POLD2: variants seen among roughly 807,000 people sequenced by gnomAD.
POLD2 encodes DNA polymerase delta 2, accessory subunit.
In POLD2, 31 loss-of-function variants were observed where a neutral mutation model predicts 48.8. The ratio of observed to expected loss-of-function variants is 0.64; its 90% CI spans 0.48 to 0.86. The LOEUF (loss-of-function observed/expected upper bound fraction) is 0.86, where lower values mean the gene tolerates loss of function less well. Among genes scored for constraint, POLD2 ranks in the 40% least tolerant of loss-of-function variants. The pLI is 0.00. For synonymous variants in POLD2, 233 were observed against 256.3 expected (o/e 0.91, Z 0.87); for missense variants, 455 against 610.1 (o/e 0.75, Z 2.68).
chr7:44,118,260 CTG>C (rs2096243452), intron 2 of POLD2, 196 bp from the exon 3 acceptor site: 6 of 573,166 alleles, frequency 1.0e-5, no homozygotes, highest in Non-Finnish European at 1.8e-5. Context: ...ACCAGGGACT[CTG>C]GGTGTGGTTG....
intron 4 of POLD2, 99 bp from the exon 5 acceptor site, chr7:44,117,346 C>T (rs1237680717): frequency 2.3e-6 from 2 of 876,266 alleles, no homozygotes; most frequent in Non-Finnish European, 3.7e-6. Context: ...TCCACAACCA[C>T]ATTGGTGAAT....
Position 44,121,506 on chromosome 7 carries a change from C to T in POLD2, c.220+328G>A, listed in dbSNP as rs1268984315. On this transcript the variant is annotated intron_variant, in intron 2 of 10. Coordinates refer to ENST00000610533, the MANE Select transcript of POLD2 (RefSeq NM_006230.4). The surrounding 1 kb of genome is among the most constrained non-coding windows in gnomAD (Gnocchi z 4.5). ...GCGCCAGGCTTGCCACACTGAGGGG[C>T]TCTCTGGCTACAGCACAGGCAAATA... Among the ~76,000 whole-genome samples the T allele has an allele frequency of 2.0e-5, 3 of 152,142 alleles. No homozygotes were observed. The East Asian group carries it at 5.8e-4, about 29-fold the overall frequency.
Position 44,116,406 on chromosome 7 carries a change from C to G in POLD2, c.861+24G>C. 1 of 1,572,714 alleles carries G rather than the reference C, an allele frequency of 6.4e-7. No individual in the cohort carries two copies. ...CTTTGAAGACTGCAATCCCCATCAC[C>G]CCTCCAGCCCCCAGCTCGCTCACGC... On this transcript the variant is annotated intron_variant, in intron 7 of 10. Transcript: ENST00000610533. The surrounding 1 kb of genome is among the most constrained non-coding windows in gnomAD (Gnocchi z 6.1).
Position 44,122,078 on chromosome 7 carries a change from C to A in POLD2, c.-25G>T. The A allele has an allele frequency of 6.2e-7, 1 of 1,609,938 alleles. No homozygotes were observed. Among genetic ancestry groups the A allele is most frequent in the South Asian group, 1.1e-5 (1 of 90,864 alleles). On this transcript the variant is annotated 5_prime_UTR_variant, in exon 2 of 11. Coordinates refer to ENST00000610533, the MANE Select transcript of POLD2 (RefSeq NM_006230.4). ...TGGCCACACTCCTGACTTGCTTGGT[C>A]CACACAGCTTCGCCCAGGCCAAGGA...
chr7:44,118,197 C>A, intron 2 of POLD2, 133 bp from the exon 3 acceptor site: 1 of 1,029,026 alleles, frequency 9.7e-7, no homozygotes, highest in Non-Finnish European at 1.4e-6. Flanking sequence ...ACATCAAGTA[C>A]AAGGACCCCC....
At chr7:44,120,108 A>G (rs534334010) in intron 2 of POLD2, among the ~76,000 whole-genome samples, 2 of 152,300 alleles carry the variant, frequency 1.3e-5, no homozygotes, top group South Asian at 2.1e-4. Context: ...CCACATGGAG[A>G]AGCCACATGT....
In POLD2 at chr7:44,121,910, C is replaced by A. The variant is rs144665581; in HGVS notation, c.144G>T (p.Arg48=). Residue 48 remains arginine, a synonymous_variant, in exon 2 of 11, where the codon CGG becomes CGT. Coordinates refer to ENST00000610533, the MANE Select transcript of POLD2 (RefSeq NM_006230.4). This position sits in a 1 kb window ranked among gnomAD's most constrained non-coding sequence, Gnocchi z 4.5. Reference sequence around the variant, plus strand: ...GGGTGGCATAAATGTGGGCATACTGCCGGCTAAAGCTGCGCTCTCCTAGCC... The same window carrying A: ...GGGTGGCATAAATGTGGGCATACTGACGGCTAAAGCTGCGCTCTCCTAGCC... ...PFRLGERSFS[R]QYAHIYATRL... is the part of the protein sequence containing the mutation. The A allele has an allele frequency of 4.8e-5, 77 of 1,613,716 alleles. No individual in the cohort carries two copies. The African/African-American group carries it at 9.7e-4, about 20-fold the overall frequency.
chr7:44,123,402 G>A, intron 1 of POLD2, 109 bp downstream of exon 1: 8 of 1,438,092 alleles, frequency 5.6e-6, no homozygotes, highest in Non-Finnish European at 7.2e-6. Flanking sequence ...GGATCCACGC[G>A]GCAGCTGCGG....
At position 44,116,666 on chromosome 7, in the gene POLD2, C is replaced by A; in HGVS notation, c.780+151G>T. 1.0e-6 allele frequency: 1 copy of A among 985,186 alleles called. No individual in the cohort carries two copies. The highest frequency in any genetic ancestry group is 1.5e-6 in the Non-Finnish European group (1 of 656,850). 61.0% of individuals were successfully genotyped at this position (985,186 alleles called of 1,614,324 possible). On this transcript the variant is annotated intron_variant, in intron 6 of 10. Transcript: ENST00000610533. The surrounding 1 kb of genome is among the most constrained non-coding windows in gnomAD (Gnocchi z 6.1). ...TCAGCGAGGGCCTGGGCATGAGGAG[C>A]CCCATTGCAGGAGGCCCCAGAGTCA...
At chr7:44,123,782 G>T, upstream of POLD2, 1 of 1,176,002 alleles carries the variant, frequency 8.5e-7, no homozygotes, top group Non-Finnish European at 1.1e-6. Context: ...TGGCGGCCGC[G>T]CGTGCAGGGG....
At chr7:44,117,586 G>A (rs1181261862) in intron 4 of POLD2, 33 bp downstream of exon 4, 2 of 1,584,798 alleles carry the variant, frequency 1.3e-6, no homozygotes. Context: ...CTCTTCACCT[G>A]CATCACCCAC....
intron 4 of POLD2, 57 bp downstream of exon 4, chr7:44,117,562 A>T: frequency 6.4e-7 from 1 of 1,557,936 alleles, no homozygotes; most frequent in Non-Finnish European, 8.7e-7. Flanking sequence ...CATCCCTAAC[A>T]CACCACCGCT....
At chr7:44,122,805 G>A (rs895423827) in intron 1 of POLD2, 1 of 152,270 alleles carries the variant, frequency 6.6e-6, no homozygotes, top group Non-Finnish European at 1.5e-5. Context: ...TTACTCAAAT[G>A]TTACCTTGTG....
chr7:44,115,264 T>A, intron 10 of POLD2, 31 bp downstream of exon 10: 1 of 1,164,202 alleles, frequency 8.6e-7, no homozygotes, highest in East Asian at 2.6e-5. Context: ...AATCAGCAAA[T>A]CAGCCTGGGC....
In POLD2 at chr7:44,116,173, C is replaced by A; in HGVS notation, c.961G>T (p.Ala321Ser). 6.2e-7 allele frequency: 1 copy of A among 1,613,852 alleles called. No individual in the cohort carries two copies. The highest frequency in any genetic ancestry group is 8.5e-7 in the Non-Finnish European group (1 of 1,180,020). Residue 321 changes from alanine (A) to serine (S), a missense_variant, in exon 8 of 11, where the codon GCC becomes TCC. Transcript: ENST00000610533. This position sits in a 1 kb window ranked among gnomAD's most constrained non-coding sequence, Gnocchi z 6.1. Reference sequence around the variant, plus strand: ...GTGACCAGCTGGAGCGTGGAGTAGGCAGTGGCCAGCGGGAACATGCAGGGG... The same window carrying A: ...GTGACCAGCTGGAGCGTGGAGTAGGAAGTGGCCAGCGGGAACATGCAGGGG... ...LHPCMFPLAT[A>S]YSTLQLVTNP...
At chr7:44,123,730 C>T, upstream of POLD2, 3 of 1,339,582 alleles carry the variant, frequency 2.2e-6, no homozygotes, top group South Asian at 3.7e-5. Context: ...TCCTGGGCAA[C>T]GCGGGGCGGG....
At chr7:44,123,768 T>C (rs1482309776), upstream of POLD2, 17 of 1,274,856 alleles carry the variant, frequency 1.3e-5, no homozygotes, top group East Asian at 4.8e-4. Flanking sequence ...CGCGGGTCTT[T>C]GGTTGGCGGC....
chr7:44,115,432 C>T lies in POLD2; in HGVS notation c.1148-36G>A, dbSNP rs772773714. 5.0e-5 allele frequency: 64 copies of T among 1,292,664 alleles called. No homozygotes were observed. The Middle Eastern group carries it at 1.3e-3, about 26-fold the overall frequency. 80.1% of individuals were successfully genotyped at this position (1,292,664 alleles called of 1,614,324 possible). The stretch of plus-strand genomic sequence containing the variant: ...AGGGGCAGCTCTGAGGAGGGTTCCG[C>T]CTCAGCACTAGCACTCTGCACAGGA... On this transcript the variant is annotated intron_variant, in intron 9 of 10. Transcript: ENST00000610533.
Position 44,117,125 on chromosome 7 carries a change from C to A in POLD2, c.581+8G>T. 6.2e-7 allele frequency: 1 copy of A among 1,612,818 alleles called. No individual in the cohort carries two copies. Among genetic ancestry groups the A allele is most frequent in the East Asian group, 2.2e-5 (1 of 44,882 alleles). On this transcript the variant is annotated splice_region_variant and intron_variant, in intron 5 of 10. Coordinates refer to ENST00000610533, the MANE Select transcript of POLD2 (RefSeq NM_006230.4). ...AGCTGGTTCCAGCTCCCGAGAACTGCTGCTCACCTATCTGTGTCAAGTGGG... is the reference window on the plus strand; with the variant it reads ...AGCTGGTTCCAGCTCCCGAGAACTGATGCTCACCTATCTGTGTCAAGTGGG...
Sources: gnomAD v4.1 joint callset for allele counts (sites outside exome capture counted in the v4.1 genomes callset) on GRCh38, gnomAD v4.1.1 for gene constraint, Gnocchi (gnomAD v3.1) non-coding constraint, MANE v1.5 for transcripts, NCBI Gene and HGNC (gene_info 2026-07-23, HGNC 2026-07-21) for gene names.